Variants in PDE1C observed in about 807,000 individuals in gnomAD.
PDE1C encodes the protein phosphodiesterase 1C, also known as dual specificity calcium/calmodulin-dependent 3',5'-cyclic nucleotide phosphodiesterase 1C.
A neutral mutation model predicts 93.1 loss-of-function variants in PDE1C; 62 were observed. That is an observed-to-expected ratio of 0.67 (90% confidence interval 0.54 to 0.82). The LOEUF (loss-of-function observed/expected upper bound fraction) is 0.82. PDE1C is among the 40% of genes least tolerant of loss of function. PDE1C has a pLI of 0.00. For missense variants in PDE1C, 742 were observed against 884.6 expected (o/e 0.84, Z 2.04); for synonymous variants, 325 against 310.1 (o/e 1.05, Z -0.50).
intron 14 of PDE1C, among the ~76,000 whole-genome samples, chr7:31,817,641 T>C (rs902056370): frequency 1.3e-5 from 2 of 152,188 alleles, no homozygotes; most frequent in African/African-American, 4.8e-5. Flanking sequence ...CTACATGTGT[T>C]TTAAAATGCT....
intron 16 of PDE1C, chr7:31,785,123 T>G (rs997593136): frequency 6.6e-6 from 1 of 152,192 alleles, no homozygotes; most frequent in African/African-American, 2.4e-5. Flanking sequence ...GACTGAGAAA[T>G]GATCCTGCAG....
At chr7:32,402,896 C>G (rs1191260370) in intron 1 of PDE1C, among the ~76,000 whole-genome samples, 1 of 152,154 alleles carries the variant, frequency 6.6e-6, no homozygotes, top group Non-Finnish European at 1.5e-5. Context: ...TGGGCCCTGT[C>G]TGACCAAAGA....
At chr7:31,856,351 G>A (rs1583628107) in intron 7 of PDE1C, among the ~76,000 whole-genome samples, 1 of 152,186 alleles carries the variant, frequency 6.6e-6, no homozygotes, top group African/African-American at 2.4e-5. Context: ...CTATATTTAA[G>A]AATCATTCTA....
the PDE1C span, among the ~76,000 whole-genome samples, chr7:31,685,123 GA>G: frequency 7.2e-4 from 102 of 140,760 alleles, no homozygotes; most frequent in Admixed American, 1.1e-3. Context: ...AATGCTGAGT[GA>G]AAAAAAAAAA....
chr7:32,196,674 C>T (rs1229104707), intron 2 of PDE1C, among the ~76,000 whole-genome samples: 1 of 152,078 alleles, frequency 6.6e-6, no homozygotes, highest in Non-Finnish European at 1.5e-5. Context: ...ATGACATGGT[C>T]AGATTTATCT....
chr7:31,727,675 T>G, the PDE1C span, among the ~76,000 whole-genome samples: 1 of 152,186 alleles, frequency 6.6e-6, no homozygotes, highest in African/African-American at 2.4e-5. Context: ...AGACAAAGAT[T>G]TCCTGACTCT....
the PDE1C span, chr7:31,642,064 G>A: frequency 1.7e-6 from 1 of 575,378 alleles, no homozygotes; most frequent in Non-Finnish European, 3.0e-6. Flanking sequence ...CTTCCACACA[G>A]TGGGCATTTC....
intron 2 of PDE1C, among the ~76,000 whole-genome samples, chr7:32,009,387 T>C (rs1184618776): frequency 6.6e-6 from 1 of 152,158 alleles, no homozygotes; most frequent in Non-Finnish European, 1.5e-5. Context: ...GAGAGCTAAA[T>C]AGAGAGATCT....
chr7:31,683,820 A>T, the PDE1C span, among the ~76,000 whole-genome samples: 1 of 152,196 alleles, frequency 6.6e-6, no homozygotes, highest in Non-Finnish European at 1.5e-5. Flanking sequence ...ATGCTCAATC[A>T]TTTTATAAAT....
intron 1 of PDE1C, among the ~76,000 whole-genome samples, chr7:32,217,418 G>T (rs768145066): frequency 1.3e-5 from 2 of 152,200 alleles, no homozygotes; most frequent in African/African-American, 4.8e-5. Context: ...CTGTTTAATT[G>T]TTGCGTGAGG....
intron 2 of PDE1C, among the ~76,000 whole-genome samples, chr7:32,171,545 TTTA>T (rs2128806125): frequency 6.7e-6 from 1 of 149,424 alleles, no homozygotes; most frequent in Non-Finnish European, 1.5e-5. Flanking sequence ...TTAATAAAAT[TTTA>T]TTATTTTAAC....
At chr7:31,965,588 A>C (rs935695911) in intron 2 of PDE1C, among the ~76,000 whole-genome samples, 4 of 152,206 alleles carry the variant, frequency 2.6e-5, no homozygotes, top group Non-Finnish European at 5.9e-5. Context: ...CCAACATCCA[A>C]ATTCAGGAAA....
intron 2 of PDE1C, among the ~76,000 whole-genome samples, chr7:31,946,365 T>A (rs1157727211): frequency 1.3e-5 from 2 of 152,164 alleles, no homozygotes; most frequent in East Asian, 3.9e-4. Context: ...TGCCACACCA[T>A]AATCTAAGCC....
At position 32,090,779 on chromosome 7, in the gene PDE1C, C is replaced by T. The variant is rs148974120; in HGVS notation, c.308+79006G>A. ...TATGATTTGCATATATTTTAGGAGG[C>T]TCTTGGACCCTCCTGGAGACCATCC... is the stretch of plus-strand genomic sequence containing the variant. On this transcript the variant is annotated intron_variant, in intron 3 of 18. Coordinates refer to the PDE1C transcript ENST00000396193. Among the ~76,000 whole-genome samples, 792 of 152,266 alleles carry T rather than the reference C, an allele frequency of 5.2e-3. 7 individuals are homozygous for T. Among genetic ancestry groups the T allele is most frequent in the African/African-American group, 0.018 (764 of 41,556 alleles).
intron 2 of PDE1C, among the ~76,000 whole-genome samples, chr7:32,191,582 G>A (rs1331286860): frequency 6.6e-6 from 1 of 152,106 alleles, no homozygotes; most frequent in Admixed American, 6.5e-5. Flanking sequence ...CTTTCTTGCT[G>A]AGTAATAGTC....
chr7:32,019,146 G>GT lies in PDE1C; in HGVS notation c.128+32407dup, dbSNP rs1195346395. On this transcript the variant is annotated intron_variant, in intron 2 of 17. Transcript: ENST00000396191. ...GGGGCACCACAAGACACATTATGTTGTTTTAAAAAAAAAAAAAAAAAAAAA... is the reference window on the plus strand; with the variant it reads ...GGGGCACCACAAGACACATTATGTTGTTTTTAAAAAAAAAAAAAAAAAAAAA... Among the ~76,000 whole-genome samples, 178 of 102,448 alleles carry GT rather than the reference G, an allele frequency of 1.7e-3. 1 individual carries two copies. The highest frequency in any genetic ancestry group is 6.4e-3 in the South Asian group (19 of 2,980). 67.2% of individuals were successfully genotyped at this position (102,448 alleles called of 152,430 possible). A position where few individuals can be genotyped will look rare whatever the true frequency, so the allele number is the denominator to read the frequency against.
chr7:31,896,834 T>A (rs943532887), intron 2 of PDE1C, among the ~76,000 whole-genome samples: 10 of 152,174 alleles, frequency 6.6e-5, no homozygotes, highest in Non-Finnish European at 1.5e-5. Context: ...TACCTTGTCA[T>A]GGTGTTAATT....
intron 1 of PDE1C, among the ~76,000 whole-genome samples, chr7:32,413,586 G>A (rs1785216422): frequency 6.6e-6 from 1 of 152,102 alleles, no homozygotes; most frequent in Non-Finnish European, 1.5e-5. Flanking sequence ...GAAATGGGGA[G>A]ATACTGTTTA....
chr7:31,962,704 C>T (rs190644305), intron 2 of PDE1C, among the ~76,000 whole-genome samples: 1 of 152,144 alleles, frequency 6.6e-6, no homozygotes, highest in East Asian at 1.9e-4. Context: ...CACAGAACAT[C>T]ACCAAAGTAG....
Sources: allele counts gnomAD v4.1 joint callset (sites outside exome capture counted in the v4.1 genomes callset), GRCh38; gene constraint gnomAD v4.1.1; transcripts MANE v1.5; gene names NCBI Gene and HGNC (gene_info 2026-07-23, HGNC 2026-07-21).